CRPPA: variants seen among roughly 807,000 people sequenced by gnomAD.
The protein encoded by CRPPA is D-ribitol-5-phosphate cytidylyltransferase.
Under a neutral mutation model 52.0 loss-of-function variants are expected in CRPPA, and 43 were observed. The ratio of observed to expected loss-of-function variants is 0.83; its 90% CI spans 0.65 to 1.07. The LOEUF is 1.07. CRPPA is among the 50% of genes least tolerant of loss of function. CRPPA has a pLI of 0.00. For synonymous variants in CRPPA, 250 were observed against 203.5 expected (o/e 1.23, Z -1.94); for missense variants, 629 against 551.7 (o/e 1.14, Z -1.40).
intron 9 of CRPPA, among the ~76,000 whole-genome samples, chr7:16,177,440 C>G (rs893453951): frequency 6.6e-6 from 1 of 151,996 alleles, no homozygotes; most frequent in Non-Finnish European, 1.5e-5. Context: ...GTGAAACAGT[C>G]ACAATCAAGG....
intron 3 of CRPPA, among the ~76,000 whole-genome samples, chr7:16,315,157 A>C (rs944723630): frequency 6.6e-6 from 1 of 152,160 alleles, no homozygotes. Flanking sequence ...TCTACCGATA[A>C]GGCATCAAAG....
chr7:16,145,336 A>G (rs1212440868), intron 9 of CRPPA, among the ~76,000 whole-genome samples: 1 of 152,228 alleles, frequency 6.6e-6, no homozygotes, highest in Admixed American at 6.5e-5. Flanking sequence ...TTCCAGAAAC[A>G]GTCCTACCAG....
intron 9 of CRPPA, among the ~76,000 whole-genome samples, chr7:16,128,268 TA>T (rs1782617892): frequency 6.6e-6 from 1 of 151,852 alleles, no homozygotes; most frequent in Non-Finnish European, 1.5e-5. Flanking sequence ...AACCTTAAAA[TA>T]AAACTTGAAA....
At chr7:16,319,465 G>C (rs1785212255) in intron 3 of CRPPA, among the ~76,000 whole-genome samples, 1 of 152,088 alleles carries the variant, frequency 6.6e-6, no homozygotes, top group Non-Finnish European at 1.5e-5. Context: ...ATCCCGTGCA[G>C]TCTGCTTCCT....
Position 16,280,090 on chromosome 7 carries a change from A to C in CRPPA, c.836-1864T>G, listed in dbSNP as rs552178064. On this transcript the variant is annotated intron_variant, in intron 5 of 9. Coordinates refer to ENST00000407010, the MANE Select transcript of CRPPA (RefSeq NM_001101426.4). ...CTCACTATCATGAGAACAGCATGGG[A>C]AAGACCTGCCCCCATGATTCAATTA... 2.4e-4 allele frequency among the ~76,000 whole-genome samples: 36 copies of C among 152,308 alleles called. No individual in the cohort carries two copies. The South Asian group carries it at 7.0e-3, about 30-fold the overall frequency.
intron 2 of CRPPA, among the ~76,000 whole-genome samples, chr7:16,402,751 A>C (rs571604692): frequency 6.6e-6 from 1 of 152,180 alleles, no homozygotes; most frequent in Admixed American, 6.5e-5. Context: ...TGCAGCATAC[A>C]AAAACAGCAA....
Position 16,089,713 on chromosome 7 carries a change from AT to A in CRPPA, c.*1981del. Reference sequence around the variant, plus strand: ...CTATTTTTTCCAGGCACAACTTAATATTTTATTAACTAAATTATACTAAATG... The same window carrying A: ...CTATTTTTTCCAGGCACAACTTAATATTTATTAACTAAATTATACTAAATG... On this transcript the variant is annotated 3_prime_UTR_variant, in exon 10 of 10. Coordinates refer to ENST00000407010, the MANE Select transcript of CRPPA (RefSeq NM_001101426.4). 1 of 196,762 alleles carries A rather than the reference AT, an allele frequency of 5.1e-6. No homozygotes were observed. The highest frequency in any genetic ancestry group is 1.1e-5 in the Non-Finnish European group (1 of 90,706). The allele number at this position is 196,762 out of a possible 1,614,324, so 12.2% of individuals were successfully genotyped here. A position where few individuals can be genotyped will look rare whatever the true frequency, so the allele number is the denominator to read the frequency against.
At chr7:16,159,394 G>A (rs936630458) in intron 9 of CRPPA, among the ~76,000 whole-genome samples, 2 of 152,106 alleles carry the variant, frequency 1.3e-5, no homozygotes, top group African/African-American at 4.8e-5. Context: ...TCCCCTCCCT[G>A]TGCCCATATG....
chr7:16,247,856 C>T (rs1783322012), intron 8 of CRPPA: 1 of 151,846 alleles, frequency 6.6e-6, no homozygotes, highest in Non-Finnish European at 1.5e-5. Flanking sequence ...ACATGTACAC[C>T]CTAACTAAAG....
chr7:16,343,348 C>A (rs1265018158), intron 3 of CRPPA, among the ~76,000 whole-genome samples: 1 of 152,210 alleles, frequency 6.6e-6, no homozygotes, highest in East Asian at 1.9e-4. Flanking sequence ...TCTCCACCCC[C>A]CAACTCTTCT....
intron 2 of CRPPA, among the ~76,000 whole-genome samples, chr7:16,377,934 T>C (rs1370930344): frequency 1.3e-5 from 2 of 151,988 alleles, no homozygotes; most frequent in East Asian, 1.9e-4. Context: ...ATCACTCTTT[T>C]TCCAGCTCAC....
At chr7:16,350,523 T>C (rs890558184) in intron 3 of CRPPA, among the ~76,000 whole-genome samples, 1 of 152,134 alleles carries the variant, frequency 6.6e-6, no homozygotes, top group South Asian at 2.1e-4. Flanking sequence ...AGTTTGGGTA[T>C]GCAATCAAAA....
chr7:16,206,197 A>AT (rs1217839336), intron 9 of CRPPA, among the ~76,000 whole-genome samples: 3 of 152,042 alleles, frequency 2.0e-5, no homozygotes, highest in Admixed American at 6.5e-5. Context: ...GGGTCAAAAT[A>AT]TTTTTTTTGT....
At chr7:16,397,727 G>A (rs1787644891) in intron 2 of CRPPA, among the ~76,000 whole-genome samples, 1 of 152,194 alleles carries the variant, frequency 6.6e-6, no homozygotes, top group Non-Finnish European at 1.5e-5. Context: ...CAACGTTTGA[G>A]ACATGTGACT....
chr7:16,361,237 T>A (rs1039635824), intron 3 of CRPPA, among the ~76,000 whole-genome samples: 4 of 152,144 alleles, frequency 2.6e-5, no homozygotes, highest in Non-Finnish European at 5.9e-5. Flanking sequence ...TAGAAACTGA[T>A]TGGAAACCCG....
intron 2 of CRPPA, 64 bp from the exon 3 acceptor site, chr7:16,376,305 T>A: frequency 4.0e-6 from 6 of 1,491,754 alleles, no homozygotes; most frequent in South Asian, 1.3e-5. Flanking sequence ...AAATTCTGAA[T>A]TCAGTATCTC....
At chr7:16,413,373 G>A (rs1426491341) in intron 1 of CRPPA, among the ~76,000 whole-genome samples, 1 of 152,118 alleles carries the variant, frequency 6.6e-6, no homozygotes, top group Non-Finnish European at 1.5e-5. Context: ...CATCTGACCT[G>A]TACAAAATAC....
At chr7:16,290,736 A>T (rs1306094274) in intron 5 of CRPPA, among the ~76,000 whole-genome samples, 1 of 152,118 alleles carries the variant, frequency 6.6e-6, no homozygotes, top group African/African-American at 2.4e-5. Flanking sequence ...GGTGTCAAAA[A>T]GCATTTTATG....
chr7:16,169,533 G>A (rs1283014047), intron 9 of CRPPA, among the ~76,000 whole-genome samples: 1 of 152,200 alleles, frequency 6.6e-6, no homozygotes, highest in African/African-American at 2.4e-5. Flanking sequence ...GTATTCATAG[G>A]AGAATGCTCT....
Sources: allele counts gnomAD v4.1 joint callset (sites outside exome capture counted in the v4.1 genomes callset), GRCh38; gene constraint gnomAD v4.1.1; transcripts MANE v1.5; gene names NCBI Gene and HGNC (gene_info 2026-07-23, HGNC 2026-07-21).